Variants in DHX34 observed in about 807,000 individuals in gnomAD.
DHX34 encodes the protein probable ATP-dependent RNA helicase DHX34.
Under a neutral mutation model 111.1 loss-of-function variants are expected in DHX34, and 96 were observed. The ratio of observed to expected loss-of-function variants is 0.86; its 90% CI spans 0.73 to 1.02. The LOEUF is 1.02. Ranked by LOEUF, DHX34 falls within the 50% of genes least tolerant of loss-of-function variation. The pLI is 0.00. For synonymous variants in DHX34, 688 were observed against 670.4 expected (o/e 1.03, Z -0.41); for missense variants, 1,560 against 1,579.9 (o/e 0.99, Z 0.21).
intron 6 of DHX34, 46 bp downstream of exon 6, chr19:47,362,739 G>T: frequency 6.6e-7 from 1 of 1,520,900 alleles, no homozygotes; most frequent in African/African-American, 1.4e-5. Flanking sequence ...TGCTGGCACA[G>T]GGAGGAACCT....
intron 7 of DHX34, among the ~76,000 whole-genome samples, chr19:47,369,138 A>C (rs762916644): frequency 2.0e-5 from 3 of 152,102 alleles, no homozygotes; most frequent in Non-Finnish European, 4.4e-5. Flanking sequence ...TCAGCCTCCC[A>C]AAGTGCTGGG....
chr19:47,381,842 G>A, intron 16 of DHX34, 138 bp from the exon 17 acceptor site: 3 of 1,488,448 alleles, frequency 2.0e-6, no homozygotes, highest in Non-Finnish European at 2.7e-6. Flanking sequence ...AATCTGGGAG[G>A]GCTTCCTGGA....
Position 47,372,893 on chromosome 19 carries a change from G to A in DHX34, c.1932G>A (p.Thr644=), listed in dbSNP as rs765607694. 1.1e-5 allele frequency: 18 copies of A among 1,606,096 alleles called. No individual in the cohort carries two copies. The highest frequency in any genetic ancestry group is 5.5e-5 in the South Asian group (5 of 90,970). Reference sequence around the variant, plus strand: ...AGAGCGACCAGGGTGACCCCTTCACGCTCTTCAACGTCTTCAACGCCTGGG... The same window carrying A: ...AGAGCGACCAGGGTGACCCCTTCACACTCTTCAACGTCTTCAACGCCTGGG... ...PLESDQGDPF[T]LFNVFNAWVQ... The change falls in exon 8 of 17, where the codon ACG becomes ACA. Residue 644 remains threonine (T), a synonymous_variant. Transcript: ENST00000328771.
At chr19:47,369,034 C>T (rs769954519) in intron 7 of DHX34, among the ~76,000 whole-genome samples, 4 of 152,138 alleles carry the variant, frequency 2.6e-5, no homozygotes, top group Admixed American at 6.6e-5. Flanking sequence ...CACGCCACCA[C>T]GCCTGGCTAA....
At chr19:47,350,669 C>T (rs1969258181) in intron 1 of DHX34, among the ~76,000 whole-genome samples, 4 of 152,110 alleles carry the variant, frequency 2.6e-5, no homozygotes, top group African/African-American at 9.7e-5. Flanking sequence ...ATCTGCCTGC[C>T]TCAGCCTCCC....
chr19:47,378,920 A>G (rs2122370200), intron 13 of DHX34, among the ~76,000 whole-genome samples: 1 of 151,926 alleles, frequency 6.6e-6, no homozygotes, highest in East Asian at 1.9e-4. Flanking sequence ...AGTTGAGGCC[A>G]GGAGTTTGGG....
chr19:47,373,560 G>A, intron 8 of DHX34, 39 bp from the exon 9 acceptor site: 4 of 1,601,154 alleles, frequency 2.5e-6, no homozygotes, highest in Non-Finnish European at 3.4e-6. Flanking sequence ...CCCCGCACTG[G>A]CCAGGCCCTG....
intron 1 of DHX34, among the ~76,000 whole-genome samples, chr19:47,350,309 T>C (rs1599747685): frequency 6.6e-6 from 1 of 151,950 alleles, no homozygotes; most frequent in Non-Finnish European, 1.5e-5. Context: ...GAGGCTGCGG[T>C]GGGAGGATCA....
At position 47,353,185 on chromosome 19, in the gene DHX34, A is replaced by G. The variant is rs1226091234; in HGVS notation, c.155A>G (p.Gln52Arg). 6.2e-7 allele frequency: 1 copy of G among 1,614,210 alleles called. No homozygotes were observed. Among genetic ancestry groups the G allele is most frequent in the South Asian group, 1.1e-5 (1 of 91,084 alleles). Residue 52 changes from glutamine to arginine, a missense_variant, in exon 2 of 17, where the codon CAG (glutamine) becomes CGG (arginine). Transcript: ENST00000328771. The surrounding 1 kb of genome is among the most constrained non-coding windows in gnomAD (Gnocchi z 4.6). ...TTCCGTGAAGAGGATTACATCCGTCAGGGTTCTGAGGAATGTCAGAAGTTT... is the reference window on the plus strand; with the variant it reads ...TTCCGTGAAGAGGATTACATCCGTCGGGGTTCTGAGGAATGTCAGAAGTTT... ...AFFREEDYIR[Q>R]GSEECQKFWT...
chr19:47,375,661 A>G lies in DHX34; in HGVS notation c.2260A>G (p.Arg754Gly), dbSNP rs1970123670. The change falls in exon 10 of 17, where the codon AGG (arginine) becomes GGG (glycine). Residue 754 changes from arginine to glycine, a missense_variant. Transcript: ENST00000328771. ...GGACGGCGGCTCCAGTGACGAGGACAGGGCTGGCCCAGCCCCCCCAGGGGC... is the reference window on the plus strand; with the variant it reads ...GGACGGCGGCTCCAGTGACGAGGACGGGGCTGGCCCAGCCCCCCCAGGGGC... Reference protein sequence around the residue: ...EQDGGSSDEDRAGPAPPGASD... With the variant: ...EQDGGSSDEDGAGPAPPGASD... 6 of 1,557,136 alleles carry G rather than the reference A, an allele frequency of 3.9e-6. No homozygotes were observed. The highest frequency in any genetic ancestry group is 5.2e-6 in the Non-Finnish European group (6 of 1,154,704).
Position 47,381,304 on chromosome 19 carries a change from CCCCACAGGATGGGCCCCCAGGT to C in DHX34, c.3279_3298+2del. 2 of 1,613,686 alleles carry C rather than the reference CCCCACAGGATGGGCCCCCAGGT, an allele frequency of 1.2e-6. No individual in the cohort carries two copies. The highest frequency in any genetic ancestry group is 1.7e-6 in the Non-Finnish European group (2 of 1,179,812). ...GCCCATGAGAACACCTGCCCCCAGGCCCCACAGGATGGGCCCCCAGGTAAGCACAGGACTGTGGGGACCCGGC... is the reference window on the plus strand; with the variant it reads ...GCCCATGAGAACACCTGCCCCCAGGCAAGCACAGGACTGTGGGGACCCGGC... On this transcript the variant is annotated splice_donor_variant and coding_sequence_variant, in exon 16 of 17. Coordinates refer to ENST00000328771, the MANE Select transcript of DHX34 (RefSeq NM_014681.6). LOFTEE classifies it high-confidence loss of function.
chr19:47,379,837 G>A lies in DHX34; in HGVS notation c.2834G>A (p.Arg945Gln), dbSNP rs377060574. The part of the protein sequence containing the change: ...SAIRLLAASL[R>Q]LRARWESALD... ...ATCCGACTCCTGGCGGCTTCCCTGC[G>A]GCTCCGTGCCCGCTGGGAAAGTGCC... Residue 945 changes from arginine (R) to glutamine (Q), a missense_variant, in exon 14 of 17, where the codon CGG (arginine) becomes CAG (glutamine). Transcript: ENST00000328771. 40 of 1,613,682 alleles carry A rather than the reference G, an allele frequency of 2.5e-5. No homozygotes were observed. Among genetic ancestry groups the A allele is most frequent in the East Asian group, 8.9e-5 (4 of 44,894 alleles).
intron 13 of DHX34, among the ~76,000 whole-genome samples, chr19:47,378,515 A>G (rs1970241958): frequency 6.6e-6 from 1 of 152,096 alleles, no homozygotes; most frequent in South Asian, 2.1e-4. Context: ...CTGCTACCTG[A>G]GGCGCTCTCT....
At chr19:47,362,103 C>T (rs535125492) in intron 5 of DHX34, among the ~76,000 whole-genome samples, 3 of 151,452 alleles carry the variant, frequency 2.0e-5, no homozygotes, top group Non-Finnish European at 2.9e-5. Context: ...TGTGAAACCC[C>T]GTCACTGCAA....
chr19:47,378,541 C>G (rs1350170341), intron 13 of DHX34, among the ~76,000 whole-genome samples: 2 of 152,140 alleles, frequency 1.3e-5, no homozygotes, highest in African/African-American at 2.4e-5. Flanking sequence ...CACTGGACTG[C>G]TTGTTGAGAG....
chr19:47,377,586 C>T (rs1970209903), intron 13 of DHX34, among the ~76,000 whole-genome samples: 1 of 125,930 alleles, frequency 7.9e-6, no homozygotes, highest in African/African-American at 3.7e-5. Context: ...ACCTGGTGTC[C>T]CCAGGCAGAG....
At chr19:47,355,614 C>T (rs941676407) in intron 3 of DHX34, among the ~76,000 whole-genome samples, 2 of 151,826 alleles carry the variant, frequency 1.3e-5, no homozygotes, top group South Asian at 2.1e-4. Flanking sequence ...TTTGGGAGGC[C>T]GAGGTGGGTG....
At position 47,372,876 on chromosome 19, in the gene DHX34, C is replaced by T; in HGVS notation, c.1915C>T (p.Gln639Ter). ...AGCACGGCGGCCGCTGGAGAGCGAC[C>T]AGGGTGACCCCTTCACGCTCTTCAA... ...AAARRPLESD[Q>*]GDPFTLFNVF... The change falls in exon 8 of 17, where the codon CAG (glutamine) becomes TAG (stop). Residue 639 changes from glutamine to a stop codon, truncating the protein, a stop_gained. Coordinates refer to ENST00000328771, the MANE Select transcript of DHX34 (RefSeq NM_014681.6). LOFTEE classifies it high-confidence loss of function. The T allele has an allele frequency of 6.2e-7, 1 of 1,609,882 alleles. No homozygotes were observed. Among genetic ancestry groups the T allele is most frequent in the Non-Finnish European group, 8.5e-7 (1 of 1,179,578 alleles).
intron 12 of DHX34, 76 bp downstream of exon 12, chr19:47,376,636 C>T (rs755667703): frequency 4.0e-6 from 6 of 1,510,694 alleles, no homozygotes; most frequent in Non-Finnish European, 4.4e-6. Context: ...CCAGGCCCCT[C>T]TGGCTGGGGC....
Sources: allele counts gnomAD v4.1 joint callset (sites outside exome capture counted in the v4.1 genomes callset), GRCh38; gene constraint gnomAD v4.1.1; non-coding constraint Gnocchi (gnomAD v3.1); transcripts MANE v1.5; gene names NCBI Gene and HGNC (gene_info 2026-07-23, HGNC 2026-07-21).